Variants in EFHC1 observed in about 807,000 individuals in gnomAD.
EFHC1 encodes EF-hand domain containing 1.
In EFHC1, 53 loss-of-function variants were observed where a neutral mutation model predicts 69.9. That is an observed-to-expected ratio of 0.76 (90% confidence interval 0.61 to 0.95). The LOEUF (loss-of-function observed/expected upper bound fraction) is 0.95, where lower values mean the gene tolerates loss of function less well. Among genes scored for constraint, EFHC1 ranks in the 40% least tolerant of loss-of-function variants. The probability of loss-of-function intolerance (pLI) is 0.00; values close to 1 mark genes in which losing one functional copy is unlikely to be tolerated. For missense variants in EFHC1, 739 were observed against 798.7 expected, an observed-to-expected ratio of 0.93 and a Z score of 0.90; for synonymous variants, 256 against 278.4, an observed-to-expected ratio of 0.92 and a Z score of 0.80.
At position 52,469,324 on chromosome 6, in the gene EFHC1, TA is replaced by T. The variant is rs1413218786; in HGVS notation, c.1138-8del. ...TCTGCCTTACTTCTTGCTTCCTATG[TA>T]TCTCCAGGAGTTGCCTCCTTATAAC... On this transcript the variant is annotated splice_polypyrimidine_tract_variant and splice_region_variant and intron_variant, in intron 6 of 10. Coordinates refer to ENST00000371068, the MANE Select transcript of EFHC1 (RefSeq NM_018100.4). The T allele has an allele frequency of 1.2e-6, 2 of 1,613,968 alleles. No individual in the cohort carries two copies. Among genetic ancestry groups the T allele is most frequent in the Non-Finnish European group, 1.7e-6 (2 of 1,179,888 alleles).
chr6:52,420,561 C>G, intron 1 of EFHC1, 88 bp downstream of exon 1: 1 of 1,481,056 alleles, frequency 6.8e-7, no homozygotes, highest in Non-Finnish European at 9.4e-7. Flanking sequence ...CATTCCCCTC[C>G]ACTCAAGTCT....
At chr6:52,452,658 G>A (rs755385961) in intron 3 of EFHC1, 30 bp from the exon 4 acceptor site, 6 of 1,612,412 alleles carry the variant, frequency 3.7e-6, no homozygotes, top group Non-Finnish European at 3.4e-6. Context: ...CTCCAAGAAA[G>A]ATGATCATTG....
intron 9 of EFHC1, 102 bp downstream of exon 9, chr6:52,479,889 C>T: frequency 1.3e-6 from 2 of 1,531,646 alleles, no homozygotes; most frequent in East Asian, 2.3e-5. Flanking sequence ...TGATTTCTCT[C>T]ACCAGGTGGG....
chr6:52,470,208 C>T (rs1765405633), intron 7 of EFHC1, among the ~76,000 whole-genome samples: 1 of 152,002 alleles, frequency 6.6e-6, no homozygotes, highest in African/African-American at 2.4e-5. Context: ...GTGAAGACAA[C>T]TGAATAATAG....
chr6:52,462,811 C>G (rs1765199860), intron 5 of EFHC1, among the ~76,000 whole-genome samples: 1 of 149,394 alleles, frequency 6.7e-6, no homozygotes, highest in Admixed American at 6.7e-5. Flanking sequence ...TTGCTTGAAC[C>G]TGGAAGGCAG....
At chr6:52,434,465 G>C (rs1216644690) in intron 2 of EFHC1, among the ~76,000 whole-genome samples, 1 of 152,146 alleles carries the variant, frequency 6.6e-6, no homozygotes, top group African/African-American at 2.4e-5. Flanking sequence ...CCTCAGTGGG[G>C]GTGTGTGTTC....
chr6:52,483,961 A>C (rs1765732951), intron 9 of EFHC1: 1 of 152,288 alleles, frequency 6.6e-6, no homozygotes, highest in African/African-American at 2.4e-5. Flanking sequence ...GGTTTGGTGC[A>C]AGGGACAACA....
At chr6:52,462,507 C>T (rs1765192307) in intron 5 of EFHC1, among the ~76,000 whole-genome samples, 1 of 150,642 alleles carries the variant, frequency 6.6e-6, no homozygotes, top group Admixed American at 6.6e-5. Context: ...AAAGTCATCT[C>T]CTTGAAAGGA....
intron 5 of EFHC1, among the ~76,000 whole-genome samples, chr6:52,460,577 T>C (rs1765143261): frequency 1.3e-5 from 2 of 152,126 alleles, no homozygotes. Context: ...TATGTCATAG[T>C]CAAATGTAAG....
intron 3 of EFHC1, among the ~76,000 whole-genome samples, chr6:52,446,360 T>G (rs779772782): frequency 3.9e-5 from 6 of 152,236 alleles, no homozygotes; most frequent in Non-Finnish European, 5.9e-5. Flanking sequence ...AAAGTCTGTT[T>G]TATCAGAGAC....
intron 1 of EFHC1, chr6:52,423,708 G>C (rs1312203415): frequency 3.7e-6 from 1 of 273,408 alleles, no homozygotes; most frequent in African/African-American, 3.3e-5. Context: ...ACAGCATCTT[G>C]TTGCCCAGGC....
At chr6:52,473,199 A>G (rs1327613785) in intron 7 of EFHC1, among the ~76,000 whole-genome samples, 1 of 152,194 alleles carries the variant, frequency 6.6e-6, no homozygotes, top group African/African-American at 2.4e-5. Flanking sequence ...AAACAAACCA[A>G]TGGAACAGAT....
chr6:52,478,425 T>TA (rs527754851), intron 7 of EFHC1, among the ~76,000 whole-genome samples: 6 of 151,238 alleles, frequency 4.0e-5, no homozygotes, highest in Admixed American at 6.6e-5. Flanking sequence ...TAAACTATAA[T>TA]AAAAAAAAAG....
At chr6:52,438,623 C>T in intron 3 of EFHC1, 32 bp downstream of exon 3, 1 of 1,607,964 alleles carries the variant, frequency 6.2e-7, no homozygotes. Flanking sequence ...GTTGTGGGGT[C>T]TGAGGCATCA....
intron 5 of EFHC1, among the ~76,000 whole-genome samples, chr6:52,456,010 C>T (rs1173967239): frequency 6.6e-6 from 1 of 152,076 alleles, no homozygotes; most frequent in African/African-American, 2.4e-5. Flanking sequence ...ACATGCAAAA[C>T]ATAGTACACG....
chr6:52,497,151 T>TATTA lies in EFHC1; in HGVS notation c.*4812_*4815dup, dbSNP rs1357480194. 1 of 152,208 alleles carries TATTA rather than the reference T, an allele frequency of 6.6e-6. No homozygotes were observed. Among genetic ancestry groups the TATTA allele is most frequent in the Non-Finnish European group, 1.5e-5 (1 of 68,042 alleles). 9.4% of individuals were successfully genotyped at this position (152,208 alleles called of 1,614,324 possible). A position where few individuals can be genotyped will look rare whatever the true frequency, so the allele number is the denominator to read the frequency against. On this transcript the variant is annotated 3_prime_UTR_variant, in exon 11 of 11. Coordinates refer to ENST00000371068, the MANE Select transcript of EFHC1 (RefSeq NM_018100.4). The stretch of plus-strand genomic sequence containing the variant: ...TAAGAAAACCTCTTTTCCACTTTAC[T>TATTA]ATTAAAGAGTCAAATAAAAATGATG...
At chr6:52,471,490 GA>G (rs1199374328) in intron 7 of EFHC1, among the ~76,000 whole-genome samples, 3 of 152,136 alleles carry the variant, frequency 2.0e-5, no homozygotes, top group Non-Finnish European at 4.4e-5. Flanking sequence ...TCAGAAACAA[GA>G]CAAGATAACA....
chr6:52,422,378 T>C (rs1160683167), intron 1 of EFHC1, among the ~76,000 whole-genome samples: 1 of 152,222 alleles, frequency 6.6e-6, no homozygotes, highest in African/African-American at 2.4e-5. Flanking sequence ...TTCTATGTCA[T>C]GTTTACTATA....
intron 6 of EFHC1, chr6:52,468,447 A>G (rs1765358695): frequency 2.0e-5 from 3 of 152,234 alleles, no homozygotes; most frequent in Admixed American, 1.3e-4. Context: ...AAGTGAGTAT[A>G]TTCAGGAAAA....
Sources: gnomAD v4.1 joint callset for allele counts (sites outside exome capture counted in the v4.1 genomes callset) on GRCh38, gnomAD v4.1.1 for gene constraint, MANE v1.5 for transcripts, NCBI Gene and HGNC (gene_info 2026-07-23, HGNC 2026-07-21) for gene names.